HDAC8: variants seen among roughly 807,000 people sequenced by gnomAD.
HDAC8 encodes the protein histone deacetylase-like 1.
HDAC8 carries 1 observed loss-of-function variant against 32.2 expected under a neutral mutation model. That is an observed-to-expected ratio of 0.03 (90% CI 0.01 to 0.15). The LOEUF (loss-of-function observed/expected upper bound fraction) is 0.15. Ranked by LOEUF, HDAC8 falls within the 10% of genes least tolerant of loss-of-function variation. The pLI, the probability that HDAC8 is intolerant of heterozygous loss-of-function variation, is 1.00. For synonymous variants in HDAC8, 108 were observed against 113.9 expected, an observed-to-expected ratio of 0.95 and a Z score of 0.33; for missense variants, 117 against 300.0, an observed-to-expected ratio of 0.39 and a Z score of 4.51.
At chrX:72,474,097 C>T (rs1159186939) in intron 7 of HDAC8, 4 of 739,866 alleles carry the variant, frequency 5.4e-6, no homozygotes, top group Non-Finnish European at 4.8e-6. Flanking sequence ...TATAAACACT[C>T]ATATACATTC....
chrX:72,392,390 C>A (rs1555964166), intron 9 of HDAC8, among the ~76,000 whole-genome samples: 2 of 111,688 alleles, frequency 1.8e-5, no homozygotes, highest in African/African-American at 6.5e-5. Flanking sequence ...ACACCAGAAG[C>A]CACCTGAAAG....
At chrX:72,461,521 C>T (rs1408360278) in intron 9 of HDAC8, among the ~76,000 whole-genome samples, 4 of 111,740 alleles carry the variant, frequency 3.6e-5, no homozygotes, top group Non-Finnish European at 7.5e-5. Context: ...AAAACATCAG[C>T]AATGGTCTTT....
chrX:72,421,539 T>A (rs1384789020), intron 9 of HDAC8, among the ~76,000 whole-genome samples: 1 of 112,583 alleles, frequency 8.9e-6, no homozygotes. Context: ...TAATAGCACA[T>A]GAAAACTCTG....
intron 4 of HDAC8, among the ~76,000 whole-genome samples, chrX:72,547,293 C>T (rs1331496726): frequency 9.1e-6 from 1 of 109,866 alleles, no homozygotes; most frequent in East Asian, 2.9e-4. Flanking sequence ...CCTTGGGATT[C>T]CATAACCCCT....
chrX:72,426,758 CTG>C (rs1367325614), intron 9 of HDAC8, among the ~76,000 whole-genome samples: 2 of 110,167 alleles, frequency 1.8e-5, no homozygotes, highest in African/African-American at 6.6e-5. Flanking sequence ...CTAGACTGAA[CTG>C]TGTTATCCCG....
In HDAC8 at chrX:72,505,091, AT is replaced by A. The variant is rs1261281405; in HGVS notation, c.438-9824del. Among the ~76,000 whole-genome samples, 34 of 105,874 alleles carry A rather than the reference AT, an allele frequency of 3.2e-4. No homozygotes were observed. In the South Asian group the frequency reaches 9.8e-3, roughly 31 times the overall value. 91.9% of individuals were successfully genotyped at this position (105,874 alleles called of 115,157 possible). ...TTTTTAAAAATTTAAAAATTTTTTA[AT>A]TTTTTTTTTGCTGTTGAGTTATAAG... On this transcript the variant is annotated intron_variant, in intron 4 of 10. Transcript: ENST00000373573.
intron 7 of HDAC8, among the ~76,000 whole-genome samples, chrX:72,470,655 T>C (rs1305850696): frequency 2.7e-5 from 3 of 111,158 alleles, no homozygotes; most frequent in Non-Finnish European, 5.7e-5. Context: ...CAGGATCTGA[T>C]CTTACTGCTC....
chrX:72,402,419 T>C (rs1223063841), intron 9 of HDAC8, among the ~76,000 whole-genome samples: 3 of 89,282 alleles, frequency 3.4e-5, no homozygotes, highest in African/African-American at 2.0e-4. Context: ...TTTTCTTTTT[T>C]TTTTTTTTTT....
chrX:72,501,702 T>C (rs1178606340), intron 4 of HDAC8, among the ~76,000 whole-genome samples: 5 of 112,069 alleles, frequency 4.5e-5, no homozygotes, highest in Non-Finnish European at 9.4e-5. Context: ...ATTCTGAACA[T>C]AGGAACGGGC....
intron 9 of HDAC8, among the ~76,000 whole-genome samples, chrX:72,447,248 T>C (rs1283102719): frequency 8.9e-6 from 1 of 111,950 alleles, no homozygotes; most frequent in Non-Finnish European, 1.9e-5. Flanking sequence ...CCAAATCAAG[T>C]TGCCTTCATC....
chrX:72,503,381 G>C (rs1440980225), intron 4 of HDAC8, among the ~76,000 whole-genome samples: 1 of 112,271 alleles, frequency 8.9e-6, no homozygotes, highest in Non-Finnish European at 1.9e-5. Context: ...ACCCAAGGTG[G>C]AGTGGAAAAA....
At chrX:72,555,655 T>G (rs1480057372) in intron 4 of HDAC8, among the ~76,000 whole-genome samples, 3 of 112,086 alleles carry the variant, frequency 2.7e-5, no homozygotes, top group African/African-American at 9.7e-5. Flanking sequence ...AGAAAGAACT[T>G]CAGAGCTCAA....
intron 9 of HDAC8, among the ~76,000 whole-genome samples, chrX:72,386,843 A>G (rs1165488185): frequency 3.6e-5 from 4 of 111,824 alleles, no homozygotes; most frequent in African/African-American, 1.3e-4. Flanking sequence ...AAATCTAAAC[A>G]AAACAGCACA....
At chrX:72,532,228 G>A (rs1419419008) in intron 4 of HDAC8, among the ~76,000 whole-genome samples, 1 of 104,470 alleles carries the variant, frequency 9.6e-6, no homozygotes, top group African/African-American at 3.5e-5. Flanking sequence ...AGGACTATAG[G>A]CATGCACCAC....
At chrX:72,373,474 T>C (rs1555957077) in intron 9 of HDAC8, among the ~76,000 whole-genome samples, 1 of 112,624 alleles carries the variant, frequency 8.9e-6, no homozygotes, top group Non-Finnish European at 1.9e-5. Flanking sequence ...ATAGAATATG[T>C]GGCCTTTTGT....
At chrX:72,503,249 G>A (rs1556017113) in intron 4 of HDAC8, among the ~76,000 whole-genome samples, 3 of 111,969 alleles carry the variant, frequency 2.7e-5, no homozygotes, top group Non-Finnish European at 3.8e-5. Flanking sequence ...AACTATGCCA[G>A]GTACTTTTGT....
intron 9 of HDAC8, among the ~76,000 whole-genome samples, chrX:72,352,658 T>A (rs2044217575): frequency 8.9e-6 from 1 of 112,147 alleles, no homozygotes. Context: ...AGAAGTCTAG[T>A]TTCTCTACTT....
At chrX:72,446,363 T>G (rs1440487154) in intron 9 of HDAC8, among the ~76,000 whole-genome samples, 10 of 111,440 alleles carry the variant, frequency 9.0e-5, no homozygotes, top group East Asian at 2.8e-4. Context: ...CCATAAAAAA[T>G]GATGAGTTCA....
At chrX:72,497,198 A>C (rs7885100) in intron 4 of HDAC8, among the ~76,000 whole-genome samples, 1 of 111,068 alleles carries the variant, frequency 9.0e-6, no homozygotes, top group African/African-American at 3.3e-5. Context: ...ATGATGACGA[A>C]GATGATGTCT....
Sources: gnomAD v4.1 joint callset for allele counts (sites outside exome capture counted in the v4.1 genomes callset) on GRCh38, gnomAD v4.1.1 for gene constraint, MANE v1.5 for transcripts, NCBI Gene and HGNC (gene_info 2026-07-23, HGNC 2026-07-21) for gene names.